AGBL3: variants seen among roughly 807,000 people sequenced by gnomAD.
AGBL3 encodes the protein cytosolic carboxypeptidase 3.
Under a neutral mutation model 94.5 loss-of-function variants are expected in AGBL3, and 68 were observed. That is an observed-to-expected ratio of 0.72 (90% CI 0.59 to 0.88). The LOEUF is 0.88. AGBL3 is among the 40% of genes least tolerant of loss of function. The pLI is 0.00. For synonymous variants in AGBL3, 354 were observed against 370.7 expected (o/e 0.95, Z 0.52); for missense variants, 934 against 1,103.8 (o/e 0.85, Z 2.18).
intron 11 of AGBL3, among the ~76,000 whole-genome samples, chr7:135,047,499 T>G (rs1239661353): frequency 6.6e-6 from 1 of 151,996 alleles, no homozygotes; most frequent in Non-Finnish European, 1.5e-5. Context: ...CCCACCATAG[T>G]GTACAAGGTT....
Position 135,091,668 on chromosome 7 carries a change from A to G in AGBL3, c.2110+9878A>G, listed in dbSNP as rs551039329. On this transcript the variant is annotated intron_variant, in intron 15 of 16. Transcript: ENST00000436302. ...AAACCAAGTTCTCTAACATGACATG[A>G]AAGACTTCCAGTGATCCTCTGACCC... Among the ~76,000 whole-genome samples, 3 of 152,318 alleles carry G rather than the reference A, an allele frequency of 2.0e-5. No individual in the cohort carries two copies. In the South Asian group the frequency reaches 6.2e-4, roughly 32 times the overall value.
chr7:135,038,591 G>A (rs1816531647), intron 8 of AGBL3, among the ~76,000 whole-genome samples: 1 of 152,140 alleles, frequency 6.6e-6, no homozygotes. Context: ...AGCTTAAACA[G>A]GCCTTCCACA....
chr7:135,071,012 G>A lies in AGBL3; in HGVS notation c.1909-5385G>A, dbSNP rs570853047. ...AGCCCAAAATCTCCTTAAGCTGATA[G>A]GCAACTTCAGCAAAGTCTCAGGATA... On this transcript the variant is annotated intron_variant, in intron 12 of 16. Coordinates refer to ENST00000436302, the MANE Select transcript of AGBL3 (RefSeq NM_178563.4). Among the ~76,000 whole-genome samples, 281 of 152,132 alleles carry A rather than the reference G, an allele frequency of 1.8e-3. 3 individuals are homozygous for A. Among genetic ancestry groups the A allele is most frequent in the Non-Finnish European group, 2.8e-3 (189 of 68,002 alleles).
chr7:135,016,605 G>T (rs1319947469), intron 4 of AGBL3, among the ~76,000 whole-genome samples: 1 of 152,114 alleles, frequency 6.6e-6, no homozygotes, highest in African/African-American at 2.4e-5. Context: ...GGGGTAGGGG[G>T]ACATCTAAGA....
Position 135,070,050 on chromosome 7 carries a change from C to A in AGBL3, c.1909-6347C>A, listed in dbSNP as rs189878743. Among the ~76,000 whole-genome samples, 957 of 152,268 alleles carry A rather than the reference C, an allele frequency of 6.3e-3. 7 individuals are homozygous for A. The highest frequency in any genetic ancestry group is 0.011 in the Non-Finnish European group (763 of 68,024). ...AAAAATGACAAAGGGGATATCACCA[C>A]CAATGCCACAGAAATACAAACTACC... On this transcript the variant is annotated intron_variant, in intron 12 of 16. Coordinates refer to ENST00000436302, the MANE Select transcript of AGBL3 (RefSeq NM_178563.4).
chr7:135,046,010 C>A, intron 11 of AGBL3, 99 bp downstream of exon 11: 1 of 857,970 alleles, frequency 1.2e-6, no homozygotes, highest in Non-Finnish European at 1.8e-6. Flanking sequence ...AACTGAAAAT[C>A]CCAACTGTAA....
chr7:135,057,661 G>C (rs1818457956), intron 11 of AGBL3, among the ~76,000 whole-genome samples: 2 of 152,144 alleles, frequency 1.3e-5, no homozygotes, highest in South Asian at 4.1e-4. Context: ...CTCAACACTT[G>C]ATCCAGCAAT....
chr7:134,994,069 TA>T (rs1442821255), intron 4 of AGBL3, among the ~76,000 whole-genome samples: 1 of 152,212 alleles, frequency 6.6e-6, no homozygotes, highest in Non-Finnish European at 1.5e-5. Flanking sequence ...TTAGCAATTC[TA>T]AACAATTCCA....
In AGBL3 at chr7:135,034,479, T is replaced by C. The variant is rs1816098631; in HGVS notation, c.888T>C (p.Ala296=). 6.4e-7 allele frequency: 1 copy of C among 1,551,872 alleles called. No homozygotes were observed. ...ACAACAAAGATACCTGCTACTTTGC[T>C]CATTGCTATCCATACACTTACACCA... ...FPHNKDTCYF[A]HCYPYTYTNL... The change falls in exon 7 of 17, where the codon GCT becomes GCC. Residue 296 remains alanine, a synonymous_variant. Coordinates refer to ENST00000436302, the MANE Select transcript of AGBL3 (RefSeq NM_178563.4).
intron 15 of AGBL3, among the ~76,000 whole-genome samples, chr7:135,086,561 A>G (rs370213250): frequency 1.3e-5 from 2 of 152,088 alleles, no homozygotes; most frequent in East Asian, 3.9e-4. Context: ...TTTTCTGCAT[A>G]TATTGAGATG....
At chr7:135,002,030 G>T (rs1460985985) in intron 4 of AGBL3, among the ~76,000 whole-genome samples, 1 of 152,070 alleles carries the variant, frequency 6.6e-6, no homozygotes, top group Non-Finnish European at 1.5e-5. Context: ...TCAAAGGTTT[G>T]TCAACTCCTA....
At chr7:135,071,552 A>G (rs1033033453) in intron 12 of AGBL3, among the ~76,000 whole-genome samples, 1 of 152,208 alleles carries the variant, frequency 6.6e-6, no homozygotes, top group Non-Finnish European at 1.5e-5. Flanking sequence ...TGGTACTGGT[A>G]CCAAAACAGA....
chr7:135,039,621 G>A (rs1207022679), intron 8 of AGBL3, among the ~76,000 whole-genome samples: 1 of 151,984 alleles, frequency 6.6e-6, no homozygotes, highest in Non-Finnish European at 1.5e-5. Context: ...TGTAATCCCA[G>A]CTATTTGGGA....
At chr7:135,035,523 T>C (rs1283628535) in intron 7 of AGBL3, among the ~76,000 whole-genome samples, 1 of 152,098 alleles carries the variant, frequency 6.6e-6, no homozygotes, top group Non-Finnish European at 1.5e-5. Flanking sequence ...ATTTAAAGCA[T>C]ATTAGAATAA....
chr7:134,988,711 C>G (rs533429120), intron 2 of AGBL3, among the ~76,000 whole-genome samples: 9 of 151,896 alleles, frequency 5.9e-5, no homozygotes, highest in Non-Finnish European at 1.0e-4. Flanking sequence ...GATCTCGGCT[C>G]ACTGCAACCT....
chr7:135,019,392 T>G (rs969871600), intron 5 of AGBL3, among the ~76,000 whole-genome samples: 1 of 152,230 alleles, frequency 6.6e-6, no homozygotes, highest in African/African-American at 2.4e-5. Context: ...TTTAGTGCAT[T>G]TTGCATCCTG....
chr7:135,000,660 A>AT (rs528561771), intron 4 of AGBL3, among the ~76,000 whole-genome samples: 306 of 152,204 alleles, frequency 2.0e-3, no homozygotes, highest in Non-Finnish European at 3.1e-3. Flanking sequence ...TACTGGTTCT[A>AT]TTTTTTCTGA....
At chr7:135,035,077 T>C in intron 7 of AGBL3, 149 bp downstream of exon 7, 1 of 711,900 alleles carries the variant, frequency 1.4e-6, no homozygotes, top group Non-Finnish European at 2.1e-6. Flanking sequence ...TATTCACAAC[T>C]GTGATTCTAT....
chr7:135,072,653 C>G (rs908180447), intron 12 of AGBL3, among the ~76,000 whole-genome samples: 4 of 151,528 alleles, frequency 2.6e-5, no homozygotes, highest in Non-Finnish European at 4.4e-5. Flanking sequence ...TCTCAGCAAA[C>G]TATCACAAGG....
Sources: gnomAD v4.1 joint callset for allele counts (sites outside exome capture counted in the v4.1 genomes callset) on GRCh38, gnomAD v4.1.1 for gene constraint, MANE v1.5 for transcripts, NCBI Gene and HGNC (gene_info 2026-07-23, HGNC 2026-07-21) for gene names.